MFF: variants seen among roughly 807,000 people sequenced by gnomAD.
MFF encodes the protein mitochondrial fission factor.
Under a neutral mutation model 36.9 loss-of-function variants are expected in MFF, and 12 were observed. The ratio of observed to expected loss-of-function variants is 0.33; its 90% CI spans 0.21 to 0.53. The LOEUF (loss-of-function observed/expected upper bound fraction) is 0.53, where lower values mean the gene tolerates loss of function less well. Among genes scored for constraint, MFF ranks in the 20% least tolerant of loss-of-function variants. The pLI, the probability that MFF is intolerant of heterozygous loss-of-function variation, is 0.95. For synonymous variants in MFF, 99 were observed against 126.2 expected (o/e 0.78, Z 1.44); for missense variants, 348 against 366.6 (o/e 0.95, Z 0.42).
At chr2:227,344,032 C>T (rs1037274943) in intron 5 of MFF, among the ~76,000 whole-genome samples, 3 of 152,182 alleles carry the variant, frequency 2.0e-5, no homozygotes, top group African/African-American at 7.2e-5. Context: ...AAGTGCTCTG[C>T]CCACCTTGGC....
At chr2:227,352,906 A>G (rs951390736) in intron 7 of MFF, among the ~76,000 whole-genome samples, 1 of 152,198 alleles carries the variant, frequency 6.6e-6, no homozygotes, top group African/African-American at 2.4e-5. Context: ...ACATCATTTT[A>G]ATGGTTGCCT....
chr2:227,330,858 T>G lies in MFF; in HGVS notation c.181+12T>G. Reference sequence around the variant, plus strand: ...GATTGTTGTAGCAGGTATTTCACCTTTACTTAGAAGGTTGCCTGTTAAATC... The same window carrying G: ...GATTGTTGTAGCAGGTATTTCACCTGTACTTAGAAGGTTGCCTGTTAAATC... On this transcript the variant is annotated intron_variant, in intron 3 of 8. Transcript: ENST00000304593. The G allele has an allele frequency of 6.9e-7, 1 of 1,441,834 alleles. No individual in the cohort carries two copies. The highest frequency in any genetic ancestry group is 9.3e-7 in the Non-Finnish European group (1 of 1,070,670). 89.3% of individuals were successfully genotyped at this position (1,441,834 alleles called of 1,614,324 possible). A position where few individuals can be genotyped will look rare whatever the true frequency, so the allele number is the denominator to read the frequency against.
At chr2:227,327,148 C>G (rs990637193) in intron 1 of MFF, among the ~76,000 whole-genome samples, 1 of 151,046 alleles carries the variant, frequency 6.6e-6, no homozygotes, top group African/African-American at 2.4e-5. Context: ...TTAACTGTAG[C>G]AAAAAGTTAA....
At chr2:227,354,441 TCTG>T (rs1395868582) in intron 7 of MFF, among the ~76,000 whole-genome samples, 1 of 152,226 alleles carries the variant, frequency 6.6e-6, no homozygotes, top group Non-Finnish European at 1.5e-5. Context: ...TTATTTATAT[TCTG>T]CTCATTTAGA....
intron 5 of MFF, 194 bp from the exon 6 acceptor site, chr2:227,347,032 T>C (rs887514662): frequency 7.9e-6 from 4 of 507,710 alleles, no homozygotes; most frequent in Admixed American, 6.4e-5. Context: ...TACAAAGTTA[T>C]AAGTGCTGCC....
At chr2:227,332,681 T>C in intron 4 of MFF, 93 bp downstream of exon 4, 1 of 912,484 alleles carries the variant, frequency 1.1e-6, no homozygotes. Context: ...TTTAGCAATA[T>C]GTCATGAAAG....
At chr2:227,350,768 G>A (rs1387601692) in intron 6 of MFF, among the ~76,000 whole-genome samples, 1 of 152,132 alleles carries the variant, frequency 6.6e-6, no homozygotes, top group African/African-American at 2.4e-5. Flanking sequence ...GGCGGAGCTT[G>A]GTGGTAGCCT....
chr2:227,343,488 G>C (rs1213653778), intron 5 of MFF, among the ~76,000 whole-genome samples: 1 of 152,006 alleles, frequency 6.6e-6, no homozygotes, highest in Non-Finnish European at 1.5e-5. Context: ...ATGCTTCCAG[G>C]AACTATTCAG....
intron 4 of MFF, among the ~76,000 whole-genome samples, chr2:227,339,234 A>G (rs1034976317): frequency 7.2e-5 from 11 of 152,120 alleles, no homozygotes; most frequent in African/African-American, 2.2e-4. Context: ...TCAAATAAGC[A>G]GAAAAGTTAA....
intron 5 of MFF, among the ~76,000 whole-genome samples, chr2:227,342,474 G>A (rs1422938176): frequency 2.6e-5 from 4 of 152,074 alleles, no homozygotes; most frequent in Admixed American, 6.6e-5. Context: ...CTACTTTAGT[G>A]TTTTCTTTGT....
At chr2:227,353,056 G>A (rs552387750) in intron 7 of MFF, among the ~76,000 whole-genome samples, 5 of 152,224 alleles carry the variant, frequency 3.3e-5, no homozygotes, top group Non-Finnish European at 7.4e-5. Flanking sequence ...GTTTGGGAAG[G>A]TACATATTTA....
chr2:227,337,884 CA>C (rs1559961457), intron 4 of MFF, among the ~76,000 whole-genome samples: 1 of 145,760 alleles, frequency 6.9e-6, no homozygotes, highest in Non-Finnish European at 1.5e-5. Flanking sequence ...CCATCTCTAC[CA>C]AAAAATACAA....
intron 2 of MFF, chr2:227,329,586 T>C (rs1002613460): frequency 1.4e-5 from 7 of 514,362 alleles, no homozygotes; most frequent in Non-Finnish European, 1.7e-5. Flanking sequence ...ATACTGATTT[T>C]TATTCTTTCT....
chr2:227,330,396 T>G lies in MFF; in HGVS notation c.-40-230T>G, dbSNP rs150941630. 987 of 492,078 alleles carry G rather than the reference T, an allele frequency of 2.0e-3. 4 individuals carry two copies. Among genetic ancestry groups the G allele is most frequent in the Non-Finnish European group, 3.0e-3 (820 of 277,926 alleles). 30.5% of individuals were successfully genotyped at this position (492,078 alleles called of 1,614,324 possible). A position where few individuals can be genotyped will look rare whatever the true frequency, so the allele number is the denominator to read the frequency against. On this transcript the variant is annotated intron_variant, in intron 2 of 8. Transcript: ENST00000304593. ...TGTAATTCTATAATAATTTAAAAAATTTGCTCCTAAGCAATATCCTCAAGG... is the reference window on the plus strand; with the variant it reads ...TGTAATTCTATAATAATTTAAAAAAGTTGCTCCTAAGCAATATCCTCAAGG...
intron 4 of MFF, among the ~76,000 whole-genome samples, chr2:227,339,967 A>T (rs893184600): frequency 6.6e-6 from 1 of 152,244 alleles, no homozygotes; most frequent in Non-Finnish European, 1.5e-5. Context: ...TCTTATAAAT[A>T]AGTATATACC....
At chr2:227,353,351 T>G (rs1473942518) in intron 7 of MFF, among the ~76,000 whole-genome samples, 1 of 152,242 alleles carries the variant, frequency 6.6e-6, no homozygotes, top group Non-Finnish European at 1.5e-5. Context: ...AGAAATATAT[T>G]GTCGGTAGCA....
intron 6 of MFF, among the ~76,000 whole-genome samples, chr2:227,348,215 GC>G (rs1276064161): frequency 6.6e-6 from 1 of 152,240 alleles, no homozygotes; most frequent in Admixed American, 6.5e-5. Context: ...AATAAATTAA[GC>G]TATCCCTTCT....
At chr2:227,336,211 GC>G (rs1443554299) in intron 4 of MFF, among the ~76,000 whole-genome samples, 2 of 152,186 alleles carry the variant, frequency 1.3e-5, no homozygotes, top group African/African-American at 4.8e-5. Flanking sequence ...TGTGGACTCT[GC>G]CGTTAAATCC....
chr2:227,338,698 C>T (rs2075191516), intron 4 of MFF, among the ~76,000 whole-genome samples: 1 of 151,374 alleles, frequency 6.6e-6, no homozygotes, highest in Non-Finnish European at 1.5e-5. Flanking sequence ...GGTGTGGTGG[C>T]ACACACCTGT....
Sources: gnomAD v4.1 joint callset for allele counts (sites outside exome capture counted in the v4.1 genomes callset) on GRCh38, gnomAD v4.1.1 for gene constraint, MANE v1.5 for transcripts, NCBI Gene and HGNC (gene_info 2026-07-23, HGNC 2026-07-21) for gene names.